The following GMCL1 variants were observed in gnomAD, a reference collection of about 807,000 sequenced individuals.
GMCL1 encodes the protein germ cell-less protein-like 1.
In GMCL1, 54 loss-of-function variants were observed where a neutral mutation model predicts 75.5. The observed-to-expected ratio is 0.71, with a 90% confidence interval of 0.57 to 0.90. GMCL1 has a LOEUF of 0.90. Ranked by LOEUF, GMCL1 falls within the 40% of genes least tolerant of loss-of-function variation. The probability of loss-of-function intolerance (pLI) is 0.00; values close to 1 mark genes in which losing one functional copy is unlikely to be tolerated. For missense variants in GMCL1, 537 were observed against 622.7 expected (o/e 0.86, Z 1.47); for synonymous variants, 210 against 209.6 (o/e 1.00, Z -0.02).
intron 8 of GMCL1, among the ~76,000 whole-genome samples, chr2:69,850,301 T>C (rs7565230): frequency 0.21 from 31,501 of 152,026 alleles, 3,392 homozygotes; most frequent in African/African-American, 0.26. Flanking sequence ...TAAGGTCTTA[T>C]CTGTGCAAAG....
intron 7 of GMCL1, among the ~76,000 whole-genome samples, chr2:69,849,336 G>GT (rs981506971): frequency 2.0e-5 from 3 of 151,832 alleles, no homozygotes; most frequent in South Asian, 4.1e-4. Flanking sequence ...TGCCCAGCTA[G>GT]TTTTTTTTCT....
At chr2:69,875,084 A>C (rs1168860590) in intron 13 of GMCL1, among the ~76,000 whole-genome samples, 1 of 152,086 alleles carries the variant, frequency 6.6e-6, no homozygotes, top group African/African-American at 2.4e-5. Context: ...CAACCTTCAA[A>C]ACAATCTATC....
At chr2:69,838,336 C>CAAAAAAAAAAAAAA (rs71397366) in intron 2 of GMCL1, among the ~76,000 whole-genome samples, 9 of 31,524 alleles carry the variant, frequency 2.9e-4, no homozygotes, top group Non-Finnish European at 3.7e-4. Flanking sequence ...GACTCTGTCT[C>CAAAAAAAAAAAAAA]AAAAAAAAAA....
chr2:69,845,556 C>T (rs936806851), intron 6 of GMCL1, among the ~76,000 whole-genome samples: 1 of 152,192 alleles, frequency 6.6e-6, no homozygotes, highest in Non-Finnish European at 1.5e-5. Context: ...ATTATAGGCA[C>T]ATACCACTGC....
At chr2:69,859,738 T>C (rs1401096818) in intron 9 of GMCL1, among the ~76,000 whole-genome samples, 2 of 47,104 alleles carry the variant, frequency 4.2e-5, no homozygotes, top group African/African-American at 1.1e-4. Context: ...TGTCTCTCTC[T>C]CTCTAAAAAA....
At chr2:69,832,871 C>T (rs552118571) in intron 1 of GMCL1, among the ~76,000 whole-genome samples, 221 of 152,274 alleles carry the variant, frequency 1.5e-3, no homozygotes, top group Non-Finnish European at 2.4e-3. Context: ...GGACAAAACG[C>T]TAAGGTAAAG....
chr2:69,836,522 A>G (rs765823670), intron 1 of GMCL1, among the ~76,000 whole-genome samples: 23 of 152,184 alleles, frequency 1.5e-4, no homozygotes, highest in Non-Finnish European at 2.6e-4. Context: ...GTCTGTTACC[A>G]CTAAGACATG....
intron 5 of GMCL1, 66 bp from the exon 6 acceptor site, chr2:69,844,065 T>G: frequency 1.4e-6 from 1 of 713,700 alleles, no homozygotes; most frequent in Non-Finnish European, 2.2e-6. Flanking sequence ...ATTTTAACTA[T>G]AAGTCCTACT....
intron 1 of GMCL1, among the ~76,000 whole-genome samples, chr2:69,835,397 T>C (rs968903438): frequency 3.9e-5 from 6 of 152,074 alleles, no homozygotes; most frequent in African/African-American, 1.4e-4. Context: ...CTCTTTTCCC[T>C]GAATTATATG....
chr2:69,845,602 A>G (rs1427007482), intron 6 of GMCL1, among the ~76,000 whole-genome samples: 6 of 152,174 alleles, frequency 3.9e-5, no homozygotes, highest in Non-Finnish European at 5.9e-5. Flanking sequence ...TTAAGTACGC[A>G]TATTATCCAT....
intron 6 of GMCL1, among the ~76,000 whole-genome samples, chr2:69,847,213 T>A (rs1360238547): frequency 3.3e-5 from 5 of 152,118 alleles, no homozygotes; most frequent in African/African-American, 4.8e-5. Flanking sequence ...CAGAGCATAC[T>A]TAAAGTTATC....
At chr2:69,847,254 C>T (rs1639077777) in intron 6 of GMCL1, among the ~76,000 whole-genome samples, 1 of 152,144 alleles carries the variant, frequency 6.6e-6, no homozygotes, top group Non-Finnish European at 1.5e-5. Context: ...CTTGATTAAT[C>T]AGCAGATCAG....
chr2:69,833,680 C>G (rs1674738230), intron 1 of GMCL1, among the ~76,000 whole-genome samples: 2 of 152,158 alleles, frequency 1.3e-5, no homozygotes, highest in Admixed American at 6.5e-5. Context: ...TGTGTTGGCC[C>G]TAGTATATAC....
intron 13 of GMCL1, among the ~76,000 whole-genome samples, chr2:69,872,802 G>A (rs1379378792): frequency 6.6e-6 from 1 of 152,172 alleles, no homozygotes; most frequent in Non-Finnish European, 1.5e-5. Flanking sequence ...CTCTGCAGCT[G>A]AACAGACAAT....
At chr2:69,858,604 T>C (rs991288092) in intron 9 of GMCL1, among the ~76,000 whole-genome samples, 25 of 152,194 alleles carry the variant, frequency 1.6e-4, no homozygotes, top group Non-Finnish European at 2.8e-4. Context: ...TCTTTTTTTT[T>C]CCTTTTGCAA....
At chr2:69,868,952 CA>C (rs1160310697) in intron 11 of GMCL1, among the ~76,000 whole-genome samples, 1 of 148,884 alleles carries the variant, frequency 6.7e-6, no homozygotes, top group Non-Finnish European at 1.5e-5. Flanking sequence ...CGTCTCTACT[CA>C]AAATACAAAA....
At chr2:69,864,404 C>A (rs1425862409) in intron 10 of GMCL1, among the ~76,000 whole-genome samples, 1 of 151,710 alleles carries the variant, frequency 6.6e-6, no homozygotes, top group Non-Finnish European at 1.5e-5. Flanking sequence ...ACTAGGGAAC[C>A]AAATAAAGAC....
At chr2:69,865,417 A>G (rs1287529899) in intron 11 of GMCL1, among the ~76,000 whole-genome samples, 2 of 152,090 alleles carry the variant, frequency 1.3e-5, no homozygotes, top group Non-Finnish European at 2.9e-5. Context: ...GAAGGCTGAG[A>G]TGGGCGGATC....
At chr2:69,860,724 A>C (rs780256593) in intron 9 of GMCL1, among the ~76,000 whole-genome samples, 10 of 152,252 alleles carry the variant, frequency 6.6e-5, no homozygotes, top group Non-Finnish European at 1.3e-4. Context: ...CAATGTAATA[A>C]GTACAGTCTA....
Sources: gnomAD v4.1 joint callset for allele counts (sites outside exome capture counted in the v4.1 genomes callset) on GRCh38, gnomAD v4.1.1 for gene constraint, MANE v1.5 for transcripts, NCBI Gene and HGNC (gene_info 2026-07-23, HGNC 2026-07-21) for gene names.